Variants in KLC2 observed in about 807,000 individuals in gnomAD.
KLC2 encodes the protein kinesin light chain 2.
KLC2 carries 35 observed loss-of-function variants against 75.1 expected under a neutral mutation model. The observed-to-expected ratio is 0.47, with a 90% CI of 0.36 to 0.62. KLC2 has a LOEUF of 0.62. Ranked by LOEUF, KLC2 falls within the 20% of genes least tolerant of loss-of-function variation. The probability of loss-of-function intolerance (pLI) is 0.00; values close to 1 mark genes in which losing one functional copy is unlikely to be tolerated. For missense variants in KLC2, 611 were observed against 833.2 expected (o/e 0.73, Z 3.28); for synonymous variants, 314 against 336.7 (o/e 0.93, Z 0.74).
intron 2 of KLC2, among the ~76,000 whole-genome samples, chr11:66,259,217 A>T (rs1346675432): frequency 6.6e-6 from 1 of 152,248 alleles, no homozygotes; most frequent in Non-Finnish European, 1.5e-5. Context: ...AATAGACAAG[A>T]TTCCTGCCCT....
chr11:66,265,871 C>G lies in KLC2; in HGVS notation c.1461C>G (p.Ser487Arg), dbSNP rs1856785638. The G allele has an allele frequency of 6.3e-7, 1 of 1,575,456 alleles. No individual in the cohort carries two copies. Among genetic ancestry groups the G allele is most frequent in the Non-Finnish European group, 8.6e-7 (1 of 1,156,848 alleles). Residue 487 changes from serine to arginine, a missense_variant, in exon 13 of 16, where the codon AGC becomes AGG. Ser to Arg is a moderately radical substitution (Grantham distance 110). Transcript: ENST00000394067. ...TCCCTCAGGGTTTGGACCCCGCAAG[C>G]CAGACCAAGGTGGTAGAACTGCTGA... ...RNRKQGLDPA[S>R]QTKVVELLKD... is the part of the protein sequence containing the mutation.
rs770965909 is a variant in KLC2 at position 66,264,108 on chromosome 11, G to A, written c.1005G>A (p.Gln335=). Residue 335 remains glutamine (Q), a synonymous_variant, in exon 8 of 16, where the codon CAG becomes CAA. Transcript: ENST00000394067. ...KQLSNLALLC[Q]NQGKAEEVEY... is the part of the protein sequence containing the mutation. ...TCAGCAACCTGGCCCTGCTGTGCCA[G>A]AACCAGGGCAAAGCTGAGGAGGTGG... 2 of 1,604,224 alleles carry A rather than the reference G, an allele frequency of 1.2e-6. No individual in the cohort carries two copies. The highest frequency in any genetic ancestry group is 1.7e-6 in the Non-Finnish European group (2 of 1,174,776).
chr11:66,252,655 G>A (rs1452057810), upstream of KLC2, among the ~76,000 whole-genome samples: 1 of 152,166 alleles, frequency 6.6e-6, no homozygotes. Context: ...TAAAATAACA[G>A]ACCATGCCTA....
chr11:66,262,035 T>C, intron 3 of KLC2, 63 bp downstream of exon 3: 3 of 1,585,198 alleles, frequency 1.9e-6, no homozygotes, highest in Non-Finnish European at 2.6e-6. Flanking sequence ...AGGGGCAGCA[T>C]GGAGCAGATT....
Position 66,267,627 on chromosome 11 carries a change from C to G in KLC2, c.*671C>G, listed in dbSNP as rs575960254. The G allele has an allele frequency of 1.3e-4, 80 of 595,648 alleles. No individual in the cohort carries two copies. The African/African-American group carries it at 1.4e-3, about 11-fold the overall frequency. 36.9% of individuals were successfully genotyped at this position (595,648 alleles called of 1,614,324 possible). A position where few individuals can be genotyped will look rare whatever the true frequency, so the allele number is the denominator to read the frequency against. ...GTCCTCCCACCGCCGGGCCCTGCCCCGCATCCCGGCCTTATGCACTGCCCC... is the reference window on the plus strand; with the variant it reads ...GTCCTCCCACCGCCGGGCCCTGCCCGGCATCCCGGCCTTATGCACTGCCCC... On this transcript the variant is annotated 3_prime_UTR_variant, in exon 16 of 16. Transcript: ENST00000394067.
intron 4 of KLC2, chr11:66,262,507 T>C (rs1856505868): frequency 3.6e-6 from 2 of 549,270 alleles, no homozygotes; most frequent in South Asian, 4.5e-5. Flanking sequence ...ACAGCCACAA[T>C]GGGGCCAGTG....
At chr11:66,252,323 T>A (rs1034703227), upstream of KLC2, among the ~76,000 whole-genome samples, 1 of 152,122 alleles carries the variant, frequency 6.6e-6, no homozygotes, top group African/African-American at 2.4e-5. Flanking sequence ...TCTCGCTCTG[T>A]CCCCCAGGCT....
rs543009515 is a variant in KLC2, at chr11:66,260,167, AT to A, written c.228+1360del. ...TGTACACTTCCAGGCTGTTGGGGGA[AT>A]TTTTTTTTTTTTTTAAAGCTAGTGG... On this transcript the variant is annotated intron_variant, in intron 2 of 15. Transcript: ENST00000394067. Among the ~76,000 whole-genome samples the A allele has an allele frequency of 8.0e-3, 1,165 of 145,442 alleles. 4 individuals are homozygous for A. The highest frequency in any genetic ancestry group is 0.011 in the Non-Finnish European group (730 of 65,992).
At chr11:66,254,607 G>A (rs1412430529), upstream of KLC2, among the ~76,000 whole-genome samples, 4 of 145,982 alleles carry the variant, frequency 2.7e-5, no homozygotes, top group African/African-American at 1.0e-4. Flanking sequence ...CAAGGCTGCA[G>A]TGAACTATGA....
upstream of KLC2, chr11:66,257,348 A>G (rs1019408807): frequency 2.6e-5 from 4 of 152,170 alleles, no homozygotes; most frequent in African/African-American, 9.7e-5. Flanking sequence ...CATTAAGTCA[A>G]TGAACCCAGG....
chr11:66,260,018 A>C (rs544091602), intron 2 of KLC2, among the ~76,000 whole-genome samples: 1 of 152,200 alleles, frequency 6.6e-6, no homozygotes, highest in African/African-American at 2.4e-5. Flanking sequence ...TGGGATGTAC[A>C]AGGAGTTAGA....
intron 4 of KLC2, 80 bp from the exon 5 acceptor site, chr11:66,262,734 G>A: frequency 1.9e-6 from 2 of 1,029,544 alleles, no homozygotes; most frequent in East Asian, 2.4e-5. Flanking sequence ...GTGTCAAGTG[G>A]CTCAAAGGCA....
the KLC2 span, among the ~76,000 whole-genome samples, chr11:66,250,578 T>C: frequency 6.6e-6 from 1 of 151,876 alleles, no homozygotes; most frequent in African/African-American, 2.4e-5. Flanking sequence ...CTAAGGCCAG[T>C]AGGGGAGACA....
chr11:66,267,332 C>T lies in KLC2; in HGVS notation c.*376C>T, dbSNP rs1856904733. 1 of 766,646 alleles carries T rather than the reference C, an allele frequency of 1.3e-6. No homozygotes were observed. The highest frequency in any genetic ancestry group is 1.5e-5 in the South Asian group (1 of 68,520). 47.5% of individuals were successfully genotyped at this position (766,646 alleles called of 1,614,324 possible). On this transcript the variant is annotated 3_prime_UTR_variant, in exon 16 of 16. Coordinates refer to ENST00000394067, the MANE Select transcript of KLC2 (RefSeq NM_001318734.2). The stretch of plus-strand genomic sequence containing the variant: ...CCCTCCCGACTCAACCCGGCCGTTG[C>T]TTCTGTATATAGAGAAATAAGTTAT...
At chr11:66,262,695 A>G in intron 4 of KLC2, 119 bp from the exon 5 acceptor site, 1 of 713,458 alleles carries the variant, frequency 1.4e-6, no homozygotes, top group Admixed American at 2.3e-5. Context: ...AAACTGAGAA[A>G]GAGTGGTTAG....
the KLC2 span, among the ~76,000 whole-genome samples, chr11:66,250,154 C>A: frequency 2.0e-5 from 3 of 152,164 alleles, no homozygotes; most frequent in African/African-American, 7.2e-5. Context: ...CAAGAGCCTT[C>A]CCCAACCACC....
chr11:66,266,899 C>CCGCACT lies in KLC2; in HGVS notation c.1814_1819dup (p.Arg605_Thr606dup), dbSNP rs747804052. On this transcript the variant is annotated inframe_insertion, in exon 16 of 16. Coordinates refer to ENST00000394067, the MANE Select transcript of KLC2 (RefSeq NM_001318734.2). ...CTGGAGGCACAGGTCTCTCTGACAGCCGCACTCTCAGCTCCAGCTCCATGG... is the reference window on the plus strand; with the variant it reads ...CTGGAGGCACAGGTCTCTCTGACAGCCGCACTCGCACTCTCAGCTCCAGCTCCATGG... 6.2e-7 allele frequency: 1 copy of CCGCACT among 1,613,536 alleles called. No homozygotes were observed. The highest frequency in any genetic ancestry group is 8.5e-7 in the Non-Finnish European group (1 of 1,180,028).
intron 2 of KLC2, among the ~76,000 whole-genome samples, chr11:66,260,374 G>A (rs1014698008): frequency 2.6e-5 from 4 of 152,196 alleles, no homozygotes; most frequent in Non-Finnish European, 4.4e-5. Context: ...GGAACAATCT[G>A]CACGGAGGGC....
At position 66,262,295 on chromosome 11, in the gene KLC2, A is replaced by C. The variant is rs191618746; in HGVS notation, c.529+103A>C. 1.4e-5 allele frequency: 12 copies of C among 868,820 alleles called. No homozygotes were observed. The African/African-American group carries it at 2.0e-4, about 14-fold the overall frequency. The allele number at this position is 868,820 out of a possible 1,614,324, so 53.8% of individuals were successfully genotyped here. A position where few individuals can be genotyped will look rare whatever the true frequency, so the allele number is the denominator to read the frequency against. On this transcript the variant is annotated intron_variant, in intron 4 of 15. Coordinates refer to ENST00000394067, the MANE Select transcript of KLC2 (RefSeq NM_001318734.2). ...GTTCCTTCCTGCCTCACTTCTGATC[A>C]TGACATCCTAGTGTGTTAGAGCTTC...
Sources: gnomAD v4.1 joint callset for allele counts (sites outside exome capture counted in the v4.1 genomes callset) on GRCh38, gnomAD v4.1.1 for gene constraint, MANE v1.5 for transcripts, NCBI Gene and HGNC (gene_info 2026-07-23, HGNC 2026-07-21) for gene names.